Variants in RNF38 observed in about 807,000 individuals in gnomAD.
RNF38 encodes E3 ubiquitin-protein ligase RNF38.
A neutral mutation model predicts 67.2 loss-of-function variants in RNF38; 15 were observed. That is an observed-to-expected ratio of 0.22 (90% CI 0.15 to 0.34). RNF38 has a LOEUF of 0.34. Among genes scored for constraint, RNF38 ranks in the 10% least tolerant of loss-of-function variants. The pLI, the probability that RNF38 is intolerant of heterozygous loss-of-function variation, is 1.00. For synonymous variants in RNF38, 220 were observed against 218.8 expected (o/e 1.01, Z -0.05); for missense variants, 524 against 639.9 (o/e 0.82, Z 1.95).
intron 1 of RNF38, among the ~76,000 whole-genome samples, chr9:36,464,570 CA>C (rs780835186): frequency 0.024 from 2,599 of 108,988 alleles, 64 homozygotes; most frequent in African/African-American, 0.071. Flanking sequence ...GACTCCGTCT[CA>C]AAAAAAAAAA....
intron 1 of RNF38, among the ~76,000 whole-genome samples, chr9:36,396,986 A>G (rs766862778): frequency 1.4e-5 from 2 of 147,464 alleles, no homozygotes; most frequent in African/African-American, 2.5e-5. Flanking sequence ...CTCTCACTAC[A>G]CAACGGTCAC....
At chr9:36,420,238 A>C (rs1838584594) in intron 2 of RNF38, among the ~76,000 whole-genome samples, 1 of 152,146 alleles carries the variant, frequency 6.6e-6, no homozygotes, top group African/African-American at 2.4e-5. Flanking sequence ...ACCTGGTTAA[A>C]AGGACAACCT....
At position 36,351,209 on chromosome 9, in the gene RNF38, AAAC is replaced by A; in HGVS notation, c.1179-13_1179-11del. 1.9e-6 allele frequency: 3 copies of A among 1,593,956 alleles called. No individual in the cohort carries two copies. The highest frequency in any genetic ancestry group is 2.6e-6 in the Non-Finnish European group (3 of 1,163,540). ...CACTGGAAGCATTGATCTGCAGTGA[AAAC>A]AATCACACTAGCATTGATATGTTAG... On this transcript the variant is annotated splice_polypyrimidine_tract_variant and intron_variant, in intron 8 of 11. Transcript: ENST00000259605.
At chr9:36,397,081 GTA>G (rs1554690248) in intron 1 of RNF38, among the ~76,000 whole-genome samples, 1,985 of 141,580 alleles carry the variant, frequency 0.014, 39 homozygotes, top group African/African-American at 0.045. Flanking sequence ...ATGTGTGTGT[GTA>G]TATATATATA....
At chr9:36,387,223 TAAACTTGCTTTCACTTTATGG>T (rs1836715857) in intron 2 of RNF38, among the ~76,000 whole-genome samples, 1 of 152,236 alleles carries the variant, frequency 6.6e-6, no homozygotes, top group African/African-American at 2.4e-5. Flanking sequence ...ACTTTCTTAA[TAAACTTGCTTTCACTTTATGG>T]ATTCACCTCA....
At chr9:36,454,622 G>A (rs537705610) in intron 1 of RNF38, among the ~76,000 whole-genome samples, 22 of 113,900 alleles carry the variant, frequency 1.9e-4, no homozygotes, top group Admixed American at 3.5e-4. Flanking sequence ...TTACTCTGTC[G>A]CCCCGGCTGC....
At chr9:36,365,392 C>T (rs1834863828) in intron 4 of RNF38, among the ~76,000 whole-genome samples, 1 of 151,730 alleles carries the variant, frequency 6.6e-6, no homozygotes, top group Non-Finnish European at 1.5e-5. Flanking sequence ...CATGGTGAAA[C>T]CCCACCTCTA....
At chr9:36,375,737 A>T (rs1297621867) in intron 3 of RNF38, among the ~76,000 whole-genome samples, 197 bp downstream of exon 3, 1 of 152,278 alleles carries the variant, frequency 6.6e-6, no homozygotes, top group East Asian at 1.9e-4. Flanking sequence ...CCATTTCTTC[A>T]TCTGTCAATG....
chr9:36,340,184 G>C (rs1301637682), intron 11 of RNF38, among the ~76,000 whole-genome samples: 1 of 152,106 alleles, frequency 6.6e-6, no homozygotes, highest in Non-Finnish European at 1.5e-5. Context: ...TCACCATGTT[G>C]GTCAGGCTGG....
At chr9:36,405,008 C>T (rs1358946793), upstream of RNF38, among the ~76,000 whole-genome samples, 1 of 152,058 alleles carries the variant, frequency 6.6e-6, no homozygotes, top group Non-Finnish European at 1.5e-5. Context: ...CAGTGGCTCA[C>T]ACCTGCAATC....
intron 1 of RNF38, among the ~76,000 whole-genome samples, chr9:36,460,189 A>G (rs1028765452): frequency 2.6e-4 from 39 of 152,182 alleles, no homozygotes. Context: ...TGCCTACAAG[A>G]CGTTGAGGAT....
chr9:36,414,139 G>A (rs974184882), intron 2 of RNF38, among the ~76,000 whole-genome samples: 3 of 152,224 alleles, frequency 2.0e-5, no homozygotes, highest in Non-Finnish European at 1.5e-5. Context: ...GAGTCCTTAT[G>A]TGTTAGGTGA....
intron 1 of RNF38, among the ~76,000 whole-genome samples, chr9:36,427,046 A>G (rs1313768775): frequency 6.6e-6 from 1 of 152,122 alleles, no homozygotes; most frequent in African/African-American, 2.4e-5. Context: ...CTAAGTCCTC[A>G]ATTTTTTTTG....
At chr9:36,472,141 C>G (rs556227651) in intron 1 of RNF38, among the ~76,000 whole-genome samples, 1 of 152,282 alleles carries the variant, frequency 6.6e-6, no homozygotes, top group African/African-American at 2.4e-5. Flanking sequence ...TTAGCAAAGA[C>G]AGTCAACAAT....
rs533097028 is a variant in RNF38, at chr9:36,400,232, A to G, written c.-124T>C. 1 of 1,444,328 alleles carries G rather than the reference A, an allele frequency of 6.9e-7. No homozygotes were observed. The highest frequency in any genetic ancestry group is 1.4e-5 in the African/African-American group (1 of 69,880). The allele number at this position is 1,444,328 out of a possible 1,614,324, so 89.5% of individuals were successfully genotyped here. A position where few individuals can be genotyped will look rare whatever the true frequency, so the allele number is the denominator to read the frequency against. Reference sequence around the variant, plus strand: ...AAGAACTTGCATCCCCTGAGAACAAAACGCAGCCTATCCAGAAACCCACGG... The same window carrying G: ...AAGAACTTGCATCCCCTGAGAACAAGACGCAGCCTATCCAGAAACCCACGG... On this transcript the variant is annotated 5_prime_UTR_variant, in exon 1 of 12. Coordinates refer to ENST00000259605, the MANE Select transcript of RNF38 (RefSeq NM_022781.5).
At chr9:36,479,476 A>C (rs1367942903) in intron 1 of RNF38, among the ~76,000 whole-genome samples, 1 of 152,208 alleles carries the variant, frequency 6.6e-6, no homozygotes, top group African/African-American at 2.4e-5. Context: ...GGTGGAGAGA[A>C]GCAGGGCTTA....
intron 1 of RNF38, among the ~76,000 whole-genome samples, chr9:36,447,125 C>CAAA (rs535462916): frequency 1.1e-5 from 1 of 93,140 alleles, no homozygotes; most frequent in Non-Finnish European, 2.4e-5. Flanking sequence ...AGACTGTCTC[C>CAAA]AAAAAAAAAA....
intron 5 of RNF38, 81 bp downstream of exon 5, chr9:36,357,693 TA>T: frequency 9.2e-7 from 1 of 1,083,580 alleles, no homozygotes. Flanking sequence ...CTAAAGAGGG[TA>T]AGAGTCGGGA....
chr9:36,385,764 C>T (rs540163150), intron 2 of RNF38, among the ~76,000 whole-genome samples: 31 of 152,188 alleles, frequency 2.0e-4, no homozygotes, highest in Non-Finnish European at 3.8e-4. Flanking sequence ...AACTACAATG[C>T]CTGCAGCCAG....
Sources: gnomAD v4.1 joint callset for allele counts (sites outside exome capture counted in the v4.1 genomes callset) on GRCh38, gnomAD v4.1.1 for gene constraint, MANE v1.5 for transcripts, NCBI Gene and HGNC (gene_info 2026-07-23, HGNC 2026-07-21) for gene names.